Variants in GSN observed in about 807,000 individuals in gnomAD.
GSN encodes the protein gelsolin.
In GSN, 56 loss-of-function variants were observed where a neutral mutation model predicts 85.7. The ratio of observed to expected loss-of-function variants is 0.65; its 90% CI spans 0.53 to 0.82. The LOEUF is 0.82. Among genes scored for constraint, GSN ranks in the 40% least tolerant of loss-of-function variants. The pLI, the probability that GSN is intolerant of heterozygous loss-of-function variation, is 0.00. For synonymous variants in GSN, 373 were observed against 399.1 expected (o/e 0.93, Z 0.78); for missense variants, 857 against 979.8 (o/e 0.87, Z 1.67).
chr9:121,318,309 G>A lies in GSN; in HGVS notation c.887-97G>A. ...TCCACAGTCTAAGAAGAGTAGGGAGGGAAGTTTGGCAGCTCCTTCTCCTGG... is the reference window on the plus strand; with the variant it reads ...TCCACAGTCTAAGAAGAGTAGGGAGAGAAGTTTGGCAGCTCCTTCTCCTGG... On this transcript the variant is annotated intron_variant, in intron 8 of 17. Transcript: ENST00000432226. This position sits in a 1 kb window ranked among gnomAD's most constrained non-coding sequence, Gnocchi z 4.3. 1.0e-6 allele frequency: 1 copy of A among 976,958 alleles called. No individual in the cohort carries two copies. The highest frequency in any genetic ancestry group is 1.7e-6 in the Non-Finnish European group (1 of 600,108). 60.5% of individuals were successfully genotyped at this position (976,958 alleles called of 1,614,324 possible). A position where few individuals can be genotyped will look rare whatever the true frequency, so the allele number is the denominator to read the frequency against.
chr9:121,225,934 A>T (rs975770926), intron 4 of GSN, among the ~76,000 whole-genome samples: 2 of 152,172 alleles, frequency 1.3e-5, no homozygotes, highest in East Asian at 3.9e-4. Context: ...CCTCCCAAGT[A>T]GCTGGGACTA....
At chr9:121,290,613 A>C (rs1367035080) in intron 2 of GSN, among the ~76,000 whole-genome samples, 1 of 152,242 alleles carries the variant, frequency 6.6e-6, no homozygotes, top group African/African-American at 2.4e-5. Flanking sequence ...ACATTTAGAT[A>C]GTAAAAAGGT....
chr9:121,312,182 C>T (rs1191520347), intron 5 of GSN, 157 bp from the exon 6 acceptor site: 13 of 746,042 alleles, frequency 1.7e-5, no homozygotes, highest in Admixed American at 3.9e-5. Flanking sequence ...CTTAATTGTA[C>T]GTAAATAATG....
intron 8 of GSN, chr9:121,317,985 T>A (rs1302491212): frequency 7.7e-6 from 2 of 260,780 alleles, no homozygotes; most frequent in East Asian, 1.9e-4. Context: ...GGCCAGGAGC[T>A]CCTTGGCACG....
intron 1 of GSN, chr9:121,281,033 C>G (rs1270196363): frequency 6.4e-6 from 1 of 157,064 alleles, no homozygotes; most frequent in African/African-American, 2.4e-5. Context: ...TCATCTGGAG[C>G]AGATCAGGGA....
rs140042015 is a variant in GSN at position 121,275,739 on chromosome 9, A to G, written c.-102-5731A>G. ...CTGCCTAGACTGTTCAGTGGTCTTAAAAAAGAGACCATAAAATTCATGGTT... is the reference window on the plus strand; with the variant it reads ...CTGCCTAGACTGTTCAGTGGTCTTAGAAAAGAGACCATAAAATTCATGGTT... On this transcript the variant is annotated intron_variant, in intron 1 of 17. Transcript: ENST00000432226. Among the ~76,000 whole-genome samples the G allele has an allele frequency of 2.0e-5, 3 of 152,342 alleles. No individual in the cohort carries two copies. In the East Asian group the frequency reaches 5.8e-4, roughly 29 times the overall value.
At chr9:121,203,828 G>C (rs1184927017), upstream of GSN, among the ~76,000 whole-genome samples, 3 of 152,172 alleles carry the variant, frequency 2.0e-5, no homozygotes, top group African/African-American at 7.2e-5. Context: ...AAAATATCTG[G>C]TATATAATAA....
intron 4 of GSN, among the ~76,000 whole-genome samples, chr9:121,217,988 T>A (rs2054099205): frequency 1.3e-5 from 2 of 152,024 alleles, no homozygotes; most frequent in Non-Finnish European, 2.9e-5. Flanking sequence ...ATAAGTACGA[T>A]CAAATTGTCC....
chr9:121,286,004 G>A (rs1053152197), intron 2 of GSN: 22 of 883,016 alleles, frequency 2.5e-5, no homozygotes, highest in African/African-American at 2.1e-4. Flanking sequence ...AACCATTTCC[G>A]GAACTGTGTG....
At chr9:121,228,667 T>A (rs895652215) in intron 4 of GSN, among the ~76,000 whole-genome samples, 2 of 151,892 alleles carry the variant, frequency 1.3e-5, no homozygotes, top group African/African-American at 4.8e-5. Context: ...TCAAGTGATC[T>A]GCCTGCCTCA....
chr9:121,222,654 C>T (rs893731883), intron 4 of GSN, among the ~76,000 whole-genome samples: 1 of 152,180 alleles, frequency 6.6e-6, no homozygotes, highest in Admixed American at 6.5e-5. Flanking sequence ...ACAGCACCAA[C>T]GTATGTTAGC....
intron 1 of GSN, among the ~76,000 whole-genome samples, chr9:121,275,084 G>C (rs1012679317): frequency 3.3e-5 from 5 of 152,166 alleles, no homozygotes. Context: ...GTTATAAAAA[G>C]CTCAGCTGTC....
At chr9:121,256,036 A>T (rs182022296) in intron 6 of GSN, among the ~76,000 whole-genome samples, 1 of 152,210 alleles carries the variant, frequency 6.6e-6, no homozygotes, top group Admixed American at 6.5e-5. Context: ...TATGAGAGAG[A>T]TGGTGAGTTC....
At chr9:121,295,625 A>G (rs993628853) in intron 2 of GSN, among the ~76,000 whole-genome samples, 6 of 152,132 alleles carry the variant, frequency 3.9e-5, no homozygotes, top group African/African-American at 1.4e-4. Context: ...AGACATACAG[A>G]GACCAAGGTT....
intron 4 of GSN, chr9:121,310,221 C>T: frequency 3.8e-6 from 1 of 264,496 alleles, no homozygotes; most frequent in East Asian, 9.6e-5. Flanking sequence ...GTATAACAGT[C>T]AGGGAGGGTG....
At chr9:121,286,106 T>C (rs1490203951) in intron 2 of GSN, 10 of 1,535,488 alleles carry the variant, frequency 6.5e-6, no homozygotes, top group Non-Finnish European at 8.7e-6. Context: ...GGTTGGCCTG[T>C]GTCAGGAGAG....
chr9:121,267,827 G>T (rs1266170366), upstream of GSN, among the ~76,000 whole-genome samples: 1 of 152,150 alleles, frequency 6.6e-6, no homozygotes, highest in Non-Finnish European at 1.5e-5. Context: ...TTGCTCGCTT[G>T]CCCGTCCCAT....
intron 6 of GSN, among the ~76,000 whole-genome samples, chr9:121,250,872 G>GGT (rs34623899): frequency 0.11 from 14,547 of 134,962 alleles, 877 homozygotes; most frequent in Non-Finnish European, 0.14. Context: ...GCCTGCTTGG[G>GGT]GTGTGTGTGT....
chr9:121,223,567 G>C (rs9409232), intron 4 of GSN, among the ~76,000 whole-genome samples: 4 of 152,030 alleles, frequency 2.6e-5, no homozygotes, highest in African/African-American at 9.7e-5. Flanking sequence ...TGCTTACTCC[G>C]GGAGTGTCAG....
Sources: gnomAD v4.1 joint callset for allele counts (sites outside exome capture counted in the v4.1 genomes callset) on GRCh38, gnomAD v4.1.1 for gene constraint, Gnocchi (gnomAD v3.1) non-coding constraint, MANE v1.5 for transcripts, NCBI Gene and HGNC (gene_info 2026-07-23, HGNC 2026-07-21) for gene names.